Variants in RNGTT observed in about 807,000 individuals in gnomAD.
RNGTT encodes the protein RNA guanylyltransferase and 5'-phosphatase, also known as mRNA-capping enzyme.
In RNGTT, 33 loss-of-function variants were observed where a neutral mutation model predicts 79.3. That is an observed-to-expected ratio of 0.42 (90% CI 0.32 to 0.56). The LOEUF (loss-of-function observed/expected upper bound fraction) is 0.56. RNGTT is among the 20% of genes least tolerant of loss of function. The probability of loss-of-function intolerance (pLI) is 0.17; values close to 1 mark genes in which losing one functional copy is unlikely to be tolerated. For synonymous variants in RNGTT, 222 were observed against 235.9 expected (o/e 0.94, Z 0.54); for missense variants, 497 against 739.1 (o/e 0.67, Z 3.80).
intron 14 of RNGTT, among the ~76,000 whole-genome samples, chr6:88,639,676 C>A (rs1237455369): frequency 6.6e-6 from 1 of 152,056 alleles, no homozygotes; most frequent in Admixed American, 6.6e-5. Context: ...TTCTGAATCC[C>A]ACCACAATAC....
At chr6:88,751,470 G>A (rs1278027643) in intron 13 of RNGTT, among the ~76,000 whole-genome samples, 1 of 152,068 alleles carries the variant, frequency 6.6e-6, no homozygotes, top group East Asian at 1.9e-4. Context: ...GTAATTTAGA[G>A]TATCAATTTC....
chr6:88,764,599 T>C (rs1465190083), intron 13 of RNGTT, among the ~76,000 whole-genome samples: 2 of 152,234 alleles, frequency 1.3e-5, no homozygotes, highest in African/African-American at 4.8e-5. Flanking sequence ...AAAATTATTA[T>C]ACACATACTT....
At chr6:88,676,331 C>A (rs552217966) in intron 14 of RNGTT, among the ~76,000 whole-genome samples, 4 of 151,752 alleles carry the variant, frequency 2.6e-5, no homozygotes, top group Non-Finnish European at 5.9e-5. Context: ...ATCTATATAT[C>A]CACGTCTTGG....
intron 13 of RNGTT, among the ~76,000 whole-genome samples, chr6:88,732,062 G>A (rs986895345): frequency 3.9e-5 from 6 of 152,238 alleles, no homozygotes; most frequent in East Asian, 3.9e-4. Context: ...GGAAGAAGAG[G>A]AGGGTTGGTC....
At chr6:88,836,924 T>C (rs551138115) in intron 11 of RNGTT, among the ~76,000 whole-genome samples, 18 of 152,186 alleles carry the variant, frequency 1.2e-4, no homozygotes, top group African/African-American at 4.1e-4. Flanking sequence ...AGAAGAAACT[T>C]CAGGTATTTT....
At chr6:88,775,359 C>T (rs546304670) in intron 12 of RNGTT, among the ~76,000 whole-genome samples, 8 of 152,224 alleles carry the variant, frequency 5.3e-5, no homozygotes, top group Admixed American at 5.2e-4. Flanking sequence ...TACGTAACTG[C>T]AAATTTGTGC....
intron 11 of RNGTT, among the ~76,000 whole-genome samples, chr6:88,836,479 C>A (rs551736650): frequency 6.6e-6 from 1 of 152,084 alleles, no homozygotes; most frequent in South Asian, 2.1e-4. Flanking sequence ...TGGTGGCTCA[C>A]GCTTGTAATC....
At chr6:88,824,748 C>CTTTTTTTTT (rs59203172) in intron 11 of RNGTT, among the ~76,000 whole-genome samples, 1 of 135,890 alleles carries the variant, frequency 7.4e-6, no homozygotes, top group African/African-American at 2.7e-5. Flanking sequence ...CGTTTGTTTT[C>CTTTTTTTTT]TTTTTTTTTT....
At chr6:88,824,530 G>C (rs1025498925) in intron 11 of RNGTT, among the ~76,000 whole-genome samples, 1 of 151,986 alleles carries the variant, frequency 6.6e-6, no homozygotes, top group African/African-American at 2.4e-5. Flanking sequence ...TAAATTAAAT[G>C]ACATTAAAAA....
intron 7 of RNGTT, among the ~76,000 whole-genome samples, chr6:88,891,448 G>T (rs572636790): frequency 6.6e-6 from 1 of 152,158 alleles, no homozygotes; most frequent in South Asian, 2.1e-4. Context: ...GATTTTCCTA[G>T]ACTTCTGATT....
chr6:88,817,921 A>G (rs1257902194), intron 11 of RNGTT, among the ~76,000 whole-genome samples: 2 of 151,652 alleles, frequency 1.3e-5, no homozygotes, highest in Non-Finnish European at 2.9e-5. Context: ...CAACACGCCC[A>G]GCTAATTTTT....
intron 13 of RNGTT, among the ~76,000 whole-genome samples, chr6:88,765,279 CA>C (rs1478125804): frequency 2.0e-5 from 3 of 151,708 alleles, no homozygotes; most frequent in Non-Finnish European, 4.4e-5. Context: ...ATTTTCACAG[CA>C]AAGTGAGGCT....
At chr6:88,749,710 A>G (rs1279854066) in intron 13 of RNGTT, among the ~76,000 whole-genome samples, 5 of 152,180 alleles carry the variant, frequency 3.3e-5, no homozygotes, top group Non-Finnish European at 7.4e-5. Context: ...ACTGAAAGCT[A>G]AAAAATAAAA....
At chr6:88,797,664 A>C (rs1157895991) in intron 12 of RNGTT, among the ~76,000 whole-genome samples, 1 of 152,058 alleles carries the variant, frequency 6.6e-6, no homozygotes, top group East Asian at 1.9e-4. Context: ...CTAGATGACA[A>C]GACTTTTCTA....
Position 88,754,671 on chromosome 6 carries a change from T to C in RNGTT, c.1439+15103A>G, listed in dbSNP as rs573753690. On this transcript the variant is annotated intron_variant, in intron 13 of 15. Transcript: ENST00000369485. Reference sequence around the variant, plus strand: ...TTCGTGATGGCCATGATGCCCCCGCTGAAGGCTGTGGGTTTACTGGAATGA... The same window carrying C: ...TTCGTGATGGCCATGATGCCCCCGCCGAAGGCTGTGGGTTTACTGGAATGA... 9.2e-5 allele frequency among the ~76,000 whole-genome samples: 14 copies of C among 152,346 alleles called. No homozygotes were observed. In the East Asian group the frequency reaches 2.1e-3, roughly 23 times the overall value.
intron 12 of RNGTT, among the ~76,000 whole-genome samples, chr6:88,774,311 A>C (rs1261724964): frequency 6.6e-6 from 1 of 152,110 alleles, no homozygotes; most frequent in East Asian, 1.9e-4. Flanking sequence ...AGAAAAAAAA[A>C]CACAGAAACT....
intron 13 of RNGTT, among the ~76,000 whole-genome samples, chr6:88,704,883 A>G (rs923410145): frequency 1.3e-5 from 2 of 152,098 alleles, no homozygotes; most frequent in African/African-American, 4.8e-5. Flanking sequence ...ATCATATTAT[A>G]TATTACTTAT....
At chr6:88,940,171 A>C (rs924759397) in intron 2 of RNGTT, among the ~76,000 whole-genome samples, 1 of 149,840 alleles carries the variant, frequency 6.7e-6, no homozygotes, top group Admixed American at 6.7e-5. Context: ...TCCGCTTCCC[A>C]GGTTCAAGCG....
intron 14 of RNGTT, among the ~76,000 whole-genome samples, chr6:88,623,277 T>G (rs1319473751): frequency 2.0e-5 from 3 of 152,144 alleles, no homozygotes; most frequent in African/African-American, 7.2e-5. Context: ...TACAAGCCTT[T>G]GAATGGGGTC....
Sources: gnomAD v4.1 joint callset for allele counts (sites outside exome capture counted in the v4.1 genomes callset) on GRCh38, gnomAD v4.1.1 for gene constraint, MANE v1.5 for transcripts, NCBI Gene and HGNC (gene_info 2026-07-23, HGNC 2026-07-21) for gene names.